HS6ST3: variants seen among roughly 807,000 people sequenced by gnomAD.
HS6ST3 encodes heparan-sulfate 6-O-sulfotransferase 3.
In HS6ST3, 12 loss-of-function variants were observed where a neutral mutation model predicts 36.7. That is an observed-to-expected ratio of 0.33 (90% confidence interval 0.21 to 0.53). The LOEUF is 0.53. HS6ST3 is among the 20% of genes least tolerant of loss of function. The pLI, the probability that HS6ST3 is intolerant of heterozygous loss-of-function variation, is 0.95. For missense variants in HS6ST3, 584 were observed against 640.9 expected (o/e 0.91, Z 0.96); for synonymous variants, 240 against 257.5 (o/e 0.93, Z 0.65).
At chr13:96,480,458 CTGTG>C (rs920502508) in intron 1 of HS6ST3, among the ~76,000 whole-genome samples, 2 of 151,990 alleles carry the variant, frequency 1.3e-5, no homozygotes, top group Admixed American at 6.6e-5. Flanking sequence ...TTAAGTGTGA[CTGTG>C]TGCGTGTGTG....
At chr13:96,095,923 T>C (rs1298446537) in intron 1 of HS6ST3, among the ~76,000 whole-genome samples, 2 of 147,820 alleles carry the variant, frequency 1.4e-5, no homozygotes, top group African/African-American at 5.1e-5. Flanking sequence ...GAAGAGGAGC[T>C]GCCATAGATA....
chr13:96,492,901 G>T (rs1040856635), intron 1 of HS6ST3, among the ~76,000 whole-genome samples: 1 of 152,166 alleles, frequency 6.6e-6, no homozygotes, highest in African/African-American at 2.4e-5. Context: ...CTTGCTTGCT[G>T]CTGCCAAGTT....
At chr13:96,648,242 C>T (rs1184585443) in intron 1 of HS6ST3, among the ~76,000 whole-genome samples, 1 of 151,994 alleles carries the variant, frequency 6.6e-6, no homozygotes, top group Non-Finnish European at 1.5e-5. Context: ...TTTGTAGTTA[C>T]ACCTCAAATA....
chr13:96,686,476 G>C (rs760214510), intron 1 of HS6ST3, among the ~76,000 whole-genome samples: 2 of 151,948 alleles, frequency 1.3e-5, no homozygotes, highest in Non-Finnish European at 2.9e-5. Context: ...TCCATGGCTT[G>C]TGCTGACTAA....
intron 1 of HS6ST3, among the ~76,000 whole-genome samples, chr13:96,465,008 C>A (rs1045618365): frequency 6.8e-6 from 1 of 148,086 alleles, no homozygotes; most frequent in East Asian, 2.0e-4. Context: ...ACACGAGGAA[C>A]TTTAATGGCG....
intron 1 of HS6ST3, among the ~76,000 whole-genome samples, chr13:96,698,501 A>T (rs924286678): frequency 1.3e-5 from 2 of 152,180 alleles, no homozygotes; most frequent in Admixed American, 1.3e-4. Flanking sequence ...GTGAACTCCC[A>T]TTCACAATTG....
intron 1 of HS6ST3, among the ~76,000 whole-genome samples, chr13:96,125,868 G>A (rs1566888267): frequency 2.0e-5 from 3 of 151,814 alleles, no homozygotes; most frequent in Non-Finnish European, 2.9e-5. Context: ...CCATGCTGGT[G>A]TGCTGCACCC....
At chr13:96,797,161 C>A (rs1373257851) in intron 1 of HS6ST3, among the ~76,000 whole-genome samples, 1 of 152,066 alleles carries the variant, frequency 6.6e-6, no homozygotes, top group Non-Finnish European at 1.5e-5. Context: ...ACCCAGTTCC[C>A]AGACAAGGAT....
chr13:96,391,777 G>A (rs1167976141), intron 1 of HS6ST3, among the ~76,000 whole-genome samples: 3 of 152,142 alleles, frequency 2.0e-5, no homozygotes, highest in Non-Finnish European at 4.4e-5. Flanking sequence ...AACAGCATGG[G>A]AAAGTCCTGC....
At chr13:96,128,817 C>G (rs1335396627) in intron 1 of HS6ST3, among the ~76,000 whole-genome samples, 1 of 151,874 alleles carries the variant, frequency 6.6e-6, no homozygotes. Context: ...TCCCTTCATC[C>G]CAAGAGGTTT....
In HS6ST3 at chr13:96,383,228, G is replaced by A. The variant is rs566753270; in HGVS notation, c.707+291659G>A. Among the ~76,000 whole-genome samples the A allele has an allele frequency of 1.6e-4, 25 of 152,258 alleles. No homozygotes were observed. In the South Asian group the frequency reaches 3.9e-3, roughly 24 times the overall value. ...GCACTTTGGGAGGCCAAGGCAGGTGGATTGCTTGAGCTCAGGAGTTCGAGA... is the reference window on the plus strand; with the variant it reads ...GCACTTTGGGAGGCCAAGGCAGGTGAATTGCTTGAGCTCAGGAGTTCGAGA... On this transcript the variant is annotated intron_variant, in intron 1 of 1. Coordinates refer to ENST00000376705, the MANE Select transcript of HS6ST3 (RefSeq NM_153456.4).
intron 1 of HS6ST3, among the ~76,000 whole-genome samples, chr13:96,233,791 G>A (rs2054519354): frequency 6.6e-6 from 1 of 152,134 alleles, no homozygotes; most frequent in Non-Finnish European, 1.5e-5. Context: ...GAAGTTTAGA[G>A]ATGTGGTCGG....
chr13:96,456,822 G>A (rs2055756519), intron 1 of HS6ST3, among the ~76,000 whole-genome samples: 1 of 152,016 alleles, frequency 6.6e-6, no homozygotes, highest in South Asian at 2.1e-4. Flanking sequence ...ATTTTACTGT[G>A]TAGTCTTGAT....
chr13:96,408,332 CA>C (rs2055489401), intron 1 of HS6ST3, among the ~76,000 whole-genome samples: 1 of 152,104 alleles, frequency 6.6e-6, no homozygotes, highest in Admixed American at 6.5e-5. Context: ...TATAGTGCAA[CA>C]TATGAGTCCA....
chr13:96,119,466 T>C (rs2053914663), intron 1 of HS6ST3, among the ~76,000 whole-genome samples: 1 of 152,194 alleles, frequency 6.6e-6, no homozygotes. Flanking sequence ...ATGCTAAATA[T>C]TGTTTTATTA....
chr13:96,365,322 G>T (rs1257597162), intron 1 of HS6ST3, among the ~76,000 whole-genome samples: 1 of 152,126 alleles, frequency 6.6e-6, no homozygotes, highest in Non-Finnish European at 1.5e-5. Context: ...TCTGGGTGTG[G>T]TTTAACTAAA....
At chr13:96,192,912 A>G (rs1241247877) in intron 1 of HS6ST3, among the ~76,000 whole-genome samples, 1 of 152,142 alleles carries the variant, frequency 6.6e-6, no homozygotes, top group African/African-American at 2.4e-5. Context: ...GACGGGTTGA[A>G]GGAAAAAGTT....
chr13:96,758,524 C>T (rs1174985548), intron 1 of HS6ST3, among the ~76,000 whole-genome samples: 2 of 151,688 alleles, frequency 1.3e-5, no homozygotes, highest in Admixed American at 1.3e-4. Context: ...TATTAGTATA[C>T]ATTTCCCTCT....
chr13:96,252,923 G>A (rs2054614373), intron 1 of HS6ST3, among the ~76,000 whole-genome samples: 1 of 152,070 alleles, frequency 6.6e-6, no homozygotes, highest in Non-Finnish European at 1.5e-5. Context: ...TTCCTCTGCA[G>A]CCTGCAGAAC....
Sources: gnomAD v4.1 joint callset for allele counts (sites outside exome capture counted in the v4.1 genomes callset) on GRCh38, gnomAD v4.1.1 for gene constraint, MANE v1.5 for transcripts, NCBI Gene and HGNC (gene_info 2026-07-23, HGNC 2026-07-21) for gene names.